ADCY8: variants seen among roughly 807,000 people sequenced by gnomAD.
The protein encoded by ADCY8 is adenylate cyclase type 8.
ADCY8 carries 51 observed loss-of-function variants against 119.7 expected under a neutral mutation model. That is an observed-to-expected ratio of 0.43 (90% confidence interval 0.34 to 0.54). The LOEUF (loss-of-function observed/expected upper bound fraction) is 0.54. Ranked by LOEUF, ADCY8 falls within the 20% of genes least tolerant of loss-of-function variation. The pLI is 0.03. For synonymous variants in ADCY8, 665 were observed against 651.0 expected (o/e 1.02, Z -0.33); for missense variants, 1,383 against 1,598.8 (o/e 0.87, Z 2.30).
chr8:131,023,436 G>T (rs1325623232), intron 1 of ADCY8, among the ~76,000 whole-genome samples: 9 of 152,176 alleles, frequency 5.9e-5, no homozygotes, highest in Non-Finnish European at 1.0e-4. Flanking sequence ...AAGCTTGGCA[G>T]TGCCTTGGTA....
At chr8:131,038,874 C>T (rs763623555) in intron 1 of ADCY8, among the ~76,000 whole-genome samples, 3 of 152,140 alleles carry the variant, frequency 2.0e-5, no homozygotes, top group Non-Finnish European at 2.9e-5. Context: ...CACTGACAAT[C>T]AGTATGTGTT....
intron 12 of ADCY8, among the ~76,000 whole-genome samples, chr8:130,831,481 C>A (rs1816832521): frequency 6.6e-6 from 1 of 152,090 alleles, no homozygotes; most frequent in East Asian, 1.9e-4. Flanking sequence ...AGGAGAGTGT[C>A]CTTAAATTGG....
chr8:130,913,944 C>T (rs1234595907), intron 5 of ADCY8, among the ~76,000 whole-genome samples: 1 of 152,160 alleles, frequency 6.6e-6, no homozygotes, highest in African/African-American at 2.4e-5. Context: ...GCTTTAATCT[C>T]TGCATCGATA....
intron 2 of ADCY8, among the ~76,000 whole-genome samples, chr8:130,983,847 C>T (rs983215962): frequency 6.6e-6 from 1 of 152,176 alleles, no homozygotes; most frequent in Non-Finnish European, 1.5e-5. Flanking sequence ...GGAAGACAGA[C>T]AGGAATCGAC....
chr8:130,981,354 A>G (rs1031040673), intron 2 of ADCY8, among the ~76,000 whole-genome samples: 3 of 152,222 alleles, frequency 2.0e-5, no homozygotes, highest in African/African-American at 7.2e-5. Flanking sequence ...TGGGTTATTT[A>G]AAAAATACTT....
chr8:130,893,416 A>G (rs1819260381), intron 7 of ADCY8, among the ~76,000 whole-genome samples: 1 of 152,174 alleles, frequency 6.6e-6, no homozygotes, highest in East Asian at 1.9e-4. Context: ...TCATAGGGCC[A>G]CAGGGTAGGT....
At position 130,884,726 on chromosome 8, in the gene ADCY8, CA is replaced by C; in HGVS notation, c.1946del (p.Leu649ArgfsTer23). 6.2e-7 allele frequency: 1 copy of C among 1,613,848 alleles called. No individual in the cohort carries two copies. The highest frequency in any genetic ancestry group is 8.5e-7 in the Non-Finnish European group (1 of 1,179,788). ...LAALTRNSIN[L>X]LPNHLAQALH... is the part of the protein sequence containing the mutation. ...AAGCTTGTGCAAGATGGTTTGGAAG[CA>C]GATTTATTGAATTTCTTGTTAGGGC... On this transcript the variant is annotated frameshift_variant, in exon 8 of 18. Transcript: ENST00000286355. LOFTEE classifies it high-confidence loss of function.
intron 14 of ADCY8, among the ~76,000 whole-genome samples, chr8:130,812,345 G>A (rs144182233): frequency 5.9e-5 from 9 of 152,214 alleles, no homozygotes; most frequent in Admixed American, 5.2e-4. Context: ...CTAGTGGTCC[G>A]AATAGTGCCT....
At chr8:130,959,591 A>G (rs1014563709) in intron 2 of ADCY8, among the ~76,000 whole-genome samples, 2 of 152,244 alleles carry the variant, frequency 1.3e-5, no homozygotes, top group African/African-American at 4.8e-5. Context: ...TAATTATACA[A>G]TTACATCTGT....
At chr8:130,909,124 T>C (rs1819892705) in intron 6 of ADCY8, among the ~76,000 whole-genome samples, 1 of 152,178 alleles carries the variant, frequency 6.6e-6, no homozygotes, top group Non-Finnish European at 1.5e-5. Flanking sequence ...TGAGATCTTA[T>C]TAGGTCCAAT....
At chr8:130,857,820 T>C (rs1586491060) in intron 9 of ADCY8, among the ~76,000 whole-genome samples, 1 of 152,332 alleles carries the variant, frequency 6.6e-6, no homozygotes, top group Non-Finnish European at 1.5e-5. Context: ...CACTTACTAT[T>C]TAGTGATCTT....
intron 14 of ADCY8, among the ~76,000 whole-genome samples, chr8:130,803,064 C>T (rs550458880): frequency 3.5e-4 from 54 of 152,326 alleles, no homozygotes; most frequent in South Asian, 2.1e-4. Context: ...CTGGGACCAC[C>T]GCTGAGTAAA....
At chr8:130,932,982 G>A (rs933957263) in intron 5 of ADCY8, among the ~76,000 whole-genome samples, 9 of 152,128 alleles carry the variant, frequency 5.9e-5, no homozygotes, top group African/African-American at 1.9e-4. Flanking sequence ...GAGTTGTTAG[G>A]TACAGTGACT....
intron 11 of ADCY8, among the ~76,000 whole-genome samples, chr8:130,843,945 C>T (rs1817222158): frequency 2.0e-5 from 3 of 152,022 alleles, no homozygotes; most frequent in African/African-American, 7.2e-5. Flanking sequence ...TGTCAAACCA[C>T]ATTATGGAAA....
At chr8:130,921,927 A>G (rs1217041698) in intron 5 of ADCY8, among the ~76,000 whole-genome samples, 4 of 152,212 alleles carry the variant, frequency 2.6e-5, no homozygotes, top group Non-Finnish European at 2.9e-5. Context: ...TGATTGGATC[A>G]TAAGGGATCT....
intron 12 of ADCY8, among the ~76,000 whole-genome samples, chr8:130,824,110 C>T (rs1816601169): frequency 1.3e-5 from 2 of 152,174 alleles, no homozygotes; most frequent in Admixed American, 1.3e-4. Flanking sequence ...ACTCATAGCT[C>T]AGGCACCAAA....
chr8:130,982,909 C>T (rs1167319803), intron 2 of ADCY8, among the ~76,000 whole-genome samples: 2 of 152,150 alleles, frequency 1.3e-5, no homozygotes, highest in Admixed American at 1.3e-4. Context: ...TTAAAACAGG[C>T]ACGTTGCAGA....
At chr8:130,986,419 C>A (rs1469910490) in intron 2 of ADCY8, among the ~76,000 whole-genome samples, 3 of 152,178 alleles carry the variant, frequency 2.0e-5, no homozygotes, top group Non-Finnish European at 4.4e-5. Flanking sequence ...ACCAGAGACT[C>A]CATTGAATTA....
rs187176838 is a variant in ADCY8, at chr8:130,895,946, G to A, written c.1911+7826C>T. 1.1e-3 allele frequency among the ~76,000 whole-genome samples: 165 copies of A among 152,258 alleles called. 2 individuals carry two copies. The highest frequency in any genetic ancestry group is 9.7e-3 in the South Asian group (47 of 4,824). On this transcript the variant is annotated intron_variant, in intron 7 of 17. Coordinates refer to ENST00000286355, the MANE Select transcript of ADCY8 (RefSeq NM_001115.3). Reference sequence around the variant, plus strand: ...TCAATATTTCAGGTGTTTTTAGGGGGAGGAATTTCAGGTCAGAATTCCCTG... The same window carrying A: ...TCAATATTTCAGGTGTTTTTAGGGGAAGGAATTTCAGGTCAGAATTCCCTG...
Sources: gnomAD v4.1 joint callset for allele counts (sites outside exome capture counted in the v4.1 genomes callset) on GRCh38, gnomAD v4.1.1 for gene constraint, MANE v1.5 for transcripts, NCBI Gene and HGNC (gene_info 2026-07-23, HGNC 2026-07-21) for gene names.